The following RSF1 variants were observed in gnomAD, a reference collection of about 807,000 sequenced individuals.
RSF1 encodes the protein remodeling and spacing factor 1.
In RSF1, 13 loss-of-function variants were observed where a neutral mutation model predicts 145.2. The ratio of observed to expected loss-of-function variants is 0.09; its 90% CI spans 0.06 to 0.14. RSF1 has a LOEUF of 0.14. RSF1 is among the 10% of genes least tolerant of loss of function. The pLI, the probability that RSF1 is intolerant of heterozygous loss-of-function variation, is 1.00. For missense variants in RSF1, 1,517 were observed against 1,718.2 expected (o/e 0.88, Z 2.07); for synonymous variants, 577 against 592.6 (o/e 0.97, Z 0.38).
At chr11:77,671,252 G>A (rs1959541538) in intron 15 of RSF1, among the ~76,000 whole-genome samples, 1 of 138,664 alleles carries the variant, frequency 7.2e-6, no homozygotes, top group South Asian at 2.3e-4. Context: ...AAGACTAAAT[G>A]GATGTAAGAA....
At chr11:77,718,016 G>A (rs1960855873) in intron 5 of RSF1, 1 of 152,168 alleles carries the variant, frequency 6.6e-6, no homozygotes, top group Non-Finnish European at 1.5e-5. Context: ...AAAATGAAAA[G>A]AAAGTTTTGG....
the RSF1 span, among the ~76,000 whole-genome samples, chr11:77,834,452 T>G: frequency 9.4e-5 from 14 of 149,102 alleles, no homozygotes; most frequent in South Asian, 2.1e-4. Context: ...TTTTTTTTTT[T>G]TTTTTTTTTT....
intron 1 of RSF1, among the ~76,000 whole-genome samples, chr11:77,818,689 G>C (rs1324719082): frequency 1.3e-5 from 2 of 152,238 alleles, no homozygotes; most frequent in Non-Finnish European, 2.9e-5. Context: ...TGGGGCAGGA[G>C]AATCGCTTGA....
At chr11:77,668,968 C>T (rs1213061714) in intron 15 of RSF1, among the ~76,000 whole-genome samples, 1 of 152,118 alleles carries the variant, frequency 6.6e-6, no homozygotes, top group Non-Finnish European at 1.5e-5. Flanking sequence ...TATCAAACTG[C>T]CTACTCGACA....
intron 1 of RSF1, among the ~76,000 whole-genome samples, chr11:77,812,419 T>C (rs4945218): frequency 6.6e-6 from 1 of 152,042 alleles, no homozygotes; most frequent in African/African-American, 2.4e-5. Flanking sequence ...GAGTCTAAAA[T>C]TAAATACAGA....
chr11:77,797,101 T>G (rs993528079), intron 1 of RSF1, among the ~76,000 whole-genome samples: 1 of 152,200 alleles, frequency 6.6e-6, no homozygotes, highest in African/African-American at 2.4e-5. Context: ...AATTTATAGA[T>G]TCAATGCTAT....
upstream of RSF1, among the ~76,000 whole-genome samples, chr11:77,821,778 A>G (rs964897539): frequency 1.1e-4 from 16 of 152,160 alleles, no homozygotes; most frequent in Non-Finnish European, 2.4e-4. Context: ...GAAACTACCA[A>G]TAATGTAAAA....
intron 1 of RSF1, among the ~76,000 whole-genome samples, chr11:77,770,686 C>T (rs139890009): frequency 4.0e-4 from 61 of 152,210 alleles, no homozygotes; most frequent in Non-Finnish European, 8.5e-4. Context: ...TATTTCAGAA[C>T]CAAAAACTAG....
chr11:77,841,032 G>A, the RSF1 span: 1 of 565,338 alleles, frequency 1.8e-6, no homozygotes, highest in South Asian at 2.5e-5. Context: ...TGGAGGCTGG[G>A]AAGTCCAAGA....
intron 2 of RSF1, among the ~76,000 whole-genome samples, chr11:77,747,751 C>G (rs1948017050): frequency 1.3e-5 from 2 of 152,174 alleles, no homozygotes; most frequent in African/African-American, 4.8e-5. Flanking sequence ...AAGAAACTTT[C>G]TCTCATTTCA....
intron 1 of RSF1, among the ~76,000 whole-genome samples, chr11:77,804,059 C>T (rs560693625): frequency 6.6e-6 from 1 of 152,266 alleles, no homozygotes; most frequent in African/African-American, 2.4e-5. Flanking sequence ...AACAGAGCAA[C>T]ACCCTGCCTG....
chr11:77,872,030 A>G, the RSF1 span: 14 of 839,896 alleles, frequency 1.7e-5, no homozygotes, highest in South Asian at 3.1e-4. Flanking sequence ...GCTCACTGCC[A>G]AATTTTGGAC....
At chr11:77,845,576 G>A in the RSF1 span, among the ~76,000 whole-genome samples, 1 of 151,864 alleles carries the variant, frequency 6.6e-6, no homozygotes, top group Admixed American at 6.6e-5. Context: ...GATTACAGGT[G>A]CACCCCACCA....
At chr11:77,713,084 G>A (rs576903496) in intron 5 of RSF1, among the ~76,000 whole-genome samples, 1 of 152,184 alleles carries the variant, frequency 6.6e-6, no homozygotes, top group African/African-American at 2.4e-5. Context: ...ATTGTTACTG[G>A]GGTGTCACTG....
chr11:77,673,669 T>C (rs1959616427), intron 14 of RSF1, among the ~76,000 whole-genome samples: 3 of 152,114 alleles, frequency 2.0e-5, no homozygotes, highest in African/African-American at 7.2e-5. Flanking sequence ...GAACTAAAAC[T>C]AGCAGGTGAA....
At chr11:77,730,797 G>A (rs985742248) in intron 4 of RSF1, among the ~76,000 whole-genome samples, 20 of 152,088 alleles carry the variant, frequency 1.3e-4, no homozygotes, top group South Asian at 4.1e-4. Context: ...TTTTCCTGCC[G>A]CCATTGATGT....
In RSF1 at chr11:77,735,344, A is replaced by G. The variant is rs1389280929; in HGVS notation, c.578+5387T>C. 2.0e-5 allele frequency among the ~76,000 whole-genome samples: 3 copies of G among 152,238 alleles called. No homozygotes were observed. In the East Asian group the frequency reaches 5.8e-4, roughly 29 times the overall value. ...GTATGAAATTTTCAGTAGATCAACTATGTAAAATTATCCCTTTTTGGTGGA... is the reference window on the plus strand; with the variant it reads ...GTATGAAATTTTCAGTAGATCAACTGTGTAAAATTATCCCTTTTTGGTGGA... On this transcript the variant is annotated intron_variant, in intron 4 of 15. Coordinates refer to ENST00000308488, the MANE Select transcript of RSF1 (RefSeq NM_016578.4).
intron 4 of RSF1, among the ~76,000 whole-genome samples, chr11:77,729,868 G>C (rs1961154123): frequency 9.9e-6 from 1 of 100,892 alleles, no homozygotes; most frequent in Non-Finnish European, 2.0e-5. Context: ...CCAACTTTTT[G>C]GTATAAATGC....
chr11:77,826,698 T>C, the RSF1 span, among the ~76,000 whole-genome samples: 11 of 152,308 alleles, frequency 7.2e-5, no homozygotes, highest in African/African-American at 2.6e-4. Context: ...TATAACTGTA[T>C]GCCTGCAAAT....
Sources: allele counts gnomAD v4.1 joint callset (sites outside exome capture counted in the v4.1 genomes callset), GRCh38; gene constraint gnomAD v4.1.1; transcripts MANE v1.5; gene names NCBI Gene and HGNC (gene_info 2026-07-23, HGNC 2026-07-21).